Variants in POTEC observed in about 807,000 individuals in gnomAD.
The protein encoded by POTEC is ANKRD26-like family B member 2.
Under a neutral mutation model 62.0 loss-of-function variants are expected in POTEC, and 35 were observed. That is an observed-to-expected ratio of 0.56 (90% CI 0.43 to 0.75). POTEC has a LOEUF of 0.75. POTEC is among the 30% of genes least tolerant of loss of function. The pLI is 0.00. For synonymous variants in POTEC, 156 were observed against 221.5 expected, an observed-to-expected ratio of 0.70 and a Z score of 2.62; for missense variants, 472 against 655.9, an observed-to-expected ratio of 0.72 and a Z score of 3.06.
At position 14,542,948 on chromosome 18, in the gene POTEC, G is replaced by A. The variant is rs759017303; in HGVS notation, c.199C>T (p.His67Tyr). 4.5e-6 allele frequency: 7 copies of A among 1,554,070 alleles called. No individual in the cohort carries two copies. In the African/African-American group the frequency reaches 9.7e-5, roughly 21 times the overall value. The change falls in exon 1 of 11, where the codon CAC becomes TAC. Residue 67 changes from histidine to tyrosine, a missense_variant. This residue lies in a region of POTEC where 257 missense variants were observed against 250.7 expected (regional missense o/e 1.03). Coordinates refer to ENST00000358970, the MANE Select transcript of POTEC (RefSeq NM_001137671.2). ...CTCCCCCTGCAGCAGGGGAAGCAGT[G>A]GTGGCAACACTTGCCCATCTTGCTC... ...LRSKMGKCCH[H>Y]CFPCCRGSGT...
intron 4 of POTEC, among the ~76,000 whole-genome samples, chr18:14,534,407 C>T (rs1271316431): frequency 1.3e-5 from 2 of 152,022 alleles, no homozygotes; most frequent in East Asian, 3.9e-4. Context: ...AATTAATTGT[C>T]ATGTGGCGAT....
rs1906001954 is a variant in POTEC, at chr18:14,542,933, A to G, written c.214T>C (p.Cys72Arg). 6.4e-7 allele frequency: 1 copy of G among 1,555,688 alleles called. No homozygotes were observed. The highest frequency in any genetic ancestry group is 1.4e-5 in the African/African-American group (1 of 72,556). ...GKCCHHCFPCCRGSGTSNVGT... is the reference protein window; with the variant it reads ...GKCCHHCFPCRRGSGTSNVGT... ...ACGTTGCTCGTGCCGCTCCCCCTGC[A>G]GCAGGGGAAGCAGTGGTGGCAACAC... Residue 72 changes from cysteine to arginine, a missense_variant, in exon 1 of 11, where the codon TGC becomes CGC. Cys to Arg is a radical substitution (Grantham distance 180, BLOSUM62 -3). Transcript: ENST00000358970.
chr18:14,538,401 C>A (rs1318937532), intron 1 of POTEC, among the ~76,000 whole-genome samples, 152 bp from the exon 2 acceptor site: 1 of 152,098 alleles, frequency 6.6e-6, no homozygotes, highest in African/African-American at 2.4e-5. Flanking sequence ...TATTACCTCT[C>A]ATTACTCACT....
chr18:14,520,203 C>T (rs1310316136), intron 9 of POTEC, among the ~76,000 whole-genome samples: 1 of 151,978 alleles, frequency 6.6e-6, no homozygotes, highest in African/African-American at 2.4e-5. Flanking sequence ...TTTTACATAA[C>T]AGGTGTAGTT....
chr18:14,526,473 T>C (rs1910440514), intron 6 of POTEC, among the ~76,000 whole-genome samples: 1 of 152,090 alleles, frequency 6.6e-6, no homozygotes, highest in Non-Finnish European at 1.5e-5. Context: ...ATGCTAGGTG[T>C]TAGGGTTTAA....
At chr18:14,513,956 C>A (rs745649567) in intron 9 of POTEC, among the ~76,000 whole-genome samples, 171 bp from the exon 10 acceptor site, 1 of 152,094 alleles carries the variant, frequency 6.6e-6, no homozygotes, top group Non-Finnish European at 1.5e-5. Context: ...ATGTTGGCAC[C>A]AGGGACTAGT....
chr18:14,514,524 T>C (rs1252031785), intron 9 of POTEC, among the ~76,000 whole-genome samples: 1 of 152,248 alleles, frequency 6.6e-6, no homozygotes, highest in Non-Finnish European at 1.5e-5. Flanking sequence ...CTCTGTAATT[T>C]ATAGACAACT....
In POTEC at chr18:14,509,772, C is replaced by G. The variant is rs1454161381; in HGVS notation, c.*2126G>C. 7.0e-6 allele frequency: 1 copy of G among 142,692 alleles called. No individual in the cohort carries two copies. The highest frequency in any genetic ancestry group is 1.5e-5 in the Non-Finnish European group (1 of 65,744). The allele number at this position is 142,692 out of a possible 1,614,324, so 8.8% of individuals were successfully genotyped here. A position where few individuals can be genotyped will look rare whatever the true frequency, so the allele number is the denominator to read the frequency against. ...CAGCCCCATCTCATGTGCAAGACTG[C>G]CCAGCACAGATCAGGTCTCAGAGGA... On this transcript the variant is annotated 3_prime_UTR_variant, in exon 11 of 11. Coordinates refer to ENST00000358970, the MANE Select transcript of POTEC (RefSeq NM_001137671.2).
chr18:14,540,887 ATTTT>A (rs1049983179), intron 1 of POTEC, among the ~76,000 whole-genome samples: 1 of 140,066 alleles, frequency 7.1e-6, no homozygotes, highest in Non-Finnish European at 1.5e-5. Context: ...TTATTTATTT[ATTTT>A]TATTTATTTA....
chr18:14,523,388 A>AC (rs1910356859), intron 8 of POTEC, 75 bp downstream of exon 8: 1 of 1,301,196 alleles, frequency 7.7e-7, no homozygotes, highest in African/African-American at 1.5e-5. Flanking sequence ...ATGTATGCCT[A>AC]CACTTACTAC....
chr18:14,514,296 A>C (rs1881179354), intron 9 of POTEC, among the ~76,000 whole-genome samples: 1 of 151,786 alleles, frequency 6.6e-6, no homozygotes, highest in South Asian at 2.1e-4. Context: ...CTGATCTGAC[A>C]GGAGGAGGAG....
intron 9 of POTEC, among the ~76,000 whole-genome samples, chr18:14,516,383 A>T (rs1237513415): frequency 9.3e-6 from 1 of 107,870 alleles, no homozygotes; most frequent in Non-Finnish European, 1.8e-5. Context: ...GGCTTAATTG[A>T]TTCACAGTTA....
At chr18:14,539,208 G>C (rs1205887369) in intron 1 of POTEC, among the ~76,000 whole-genome samples, 1 of 151,522 alleles carries the variant, frequency 6.6e-6, no homozygotes, top group South Asian at 2.1e-4. Context: ...TTCATATTAG[G>C]ATTTAAGACT....
At chr18:14,513,292 T>TA (rs923111966) in intron 10 of POTEC, among the ~76,000 whole-genome samples, 2 of 152,236 alleles carry the variant, frequency 1.3e-5, no homozygotes, top group African/African-American at 4.8e-5. Context: ...ATTAATATTT[T>TA]AAAAAGAACG....
chr18:14,536,679 T>C (rs1299908332), intron 3 of POTEC, among the ~76,000 whole-genome samples: 1 of 152,152 alleles, frequency 6.6e-6, no homozygotes, highest in Non-Finnish European at 1.5e-5. Flanking sequence ...GCTAGTGCAA[T>C]AGACAATTAT....
rs536773906 is a variant in POTEC, at chr18:14,543,164, G to C, written c.-18C>G. 6.2e-6 allele frequency: 10 copies of C among 1,613,824 alleles called. No individual in the cohort carries two copies. Among genetic ancestry groups the C allele is most frequent in the East Asian group, 2.2e-5 (1 of 44,846 alleles). ...GTCACCATCTGCTTTTAACAGCCCG[G>C]GGAGGCCGGTAGTAGCGAACAGATC... is the stretch of plus-strand genomic sequence containing the variant. On this transcript the variant is annotated 5_prime_UTR_variant, in exon 1 of 11. Coordinates refer to ENST00000358970, the MANE Select transcript of POTEC (RefSeq NM_001137671.2).
chr18:14,524,724 T>C (rs1910392580), intron 7 of POTEC, among the ~76,000 whole-genome samples, 189 bp downstream of exon 7: 1 of 151,964 alleles, frequency 6.6e-6, no homozygotes, highest in South Asian at 2.1e-4. Context: ...AATTTATTGA[T>C]TCTTCTGTTA....
Position 14,543,163 on chromosome 18 carries a change from G to A in POTEC, c.-17C>T, listed in dbSNP as rs201982241. The A allele has an allele frequency of 2.4e-4, 393 of 1,605,694 alleles. 1 individual carries two copies. In the African/African-American group the frequency reaches 5.0e-3, roughly 21 times the overall value. ...AGTCACCATCTGCTTTTAACAGCCC[G>A]GGGAGGCCGGTAGTAGCGAACAGAT... On this transcript the variant is annotated 5_prime_UTR_variant, in exon 1 of 11. Coordinates refer to ENST00000358970, the MANE Select transcript of POTEC (RefSeq NM_001137671.2).
intron 9 of POTEC, among the ~76,000 whole-genome samples, 171 bp from the exon 10 acceptor site, chr18:14,513,956 C>T (rs745649567): frequency 6.6e-6 from 1 of 152,094 alleles, no homozygotes. Context: ...ATGTTGGCAC[C>T]AGGGACTAGT....
Sources: allele counts gnomAD v4.1 joint callset (sites outside exome capture counted in the v4.1 genomes callset), GRCh38; gene constraint gnomAD v4.1.1; regional missense constraint gnomAD v4.1.1; transcripts MANE v1.5; gene names NCBI Gene and HGNC (gene_info 2026-07-23, HGNC 2026-07-21).